Variants in LYZL2 observed in about 807,000 individuals in gnomAD.
LYZL2 encodes lysozyme-like protein 2.
A neutral mutation model predicts 17.1 loss-of-function variants in LYZL2; 13 were observed. That is an observed-to-expected ratio of 0.76 (90% CI 0.49 to 1.21). The LOEUF (loss-of-function observed/expected upper bound fraction) is 1.21. LYZL2 is among the 50% of genes most tolerant of loss of function. LYZL2 has a pLI of 0.00. For synonymous variants in LYZL2, 63 were observed against 74.4 expected (o/e 0.85, Z 0.79); for missense variants, 166 against 189.2 (o/e 0.88, Z 0.72).
At chr10:30,615,889 A>AG in intron 3 of LYZL2, among the ~76,000 whole-genome samples, 1 of 151,774 alleles carries the variant, frequency 6.6e-6, no homozygotes, top group Non-Finnish European at 1.5e-5. Context: ...CTGGTTTAGA[A>AG]AAAAAAAGAT....
chr10:30,613,940 G>C (rs1218951792), intron 3 of LYZL2, among the ~76,000 whole-genome samples: 14 of 152,096 alleles, frequency 9.2e-5, no homozygotes, highest in Non-Finnish European at 7.4e-5. Flanking sequence ...GAACTCCTGG[G>C]CTCAAGCAAT....
At chr10:30,619,712 G>T (rs1838590432) in intron 3 of LYZL2, among the ~76,000 whole-genome samples, 1 of 151,796 alleles carries the variant, frequency 6.6e-6, no homozygotes, top group South Asian at 2.1e-4. Flanking sequence ...AGCATTAGGA[G>T]ATATACCTAA....
At chr10:30,615,928 A>T (rs1838521970) in intron 3 of LYZL2, among the ~76,000 whole-genome samples, 1 of 152,224 alleles carries the variant, frequency 6.6e-6, no homozygotes. Context: ...ATTTTAAGAA[A>T]GATTGGCTCT....
At chr10:30,626,419 A>G (rs1468706659) in intron 2 of LYZL2, among the ~76,000 whole-genome samples, 156 bp from the exon 3 acceptor site, 2 of 152,152 alleles carry the variant, frequency 1.3e-5, no homozygotes, top group Non-Finnish European at 2.9e-5. Context: ...GGGGCACACG[A>G]GGGGCACATC....
intron 1 of LYZL2, 93 bp downstream of exon 1, chr10:30,629,500 A>G: frequency 7.9e-7 from 1 of 1,268,408 alleles, no homozygotes; most frequent in Non-Finnish European, 1.1e-6. Context: ...CGTAGCAATG[A>G]TAACCCCAAG....
At chr10:30,629,219 C>A (rs982900034) in intron 1 of LYZL2, among the ~76,000 whole-genome samples, 12 of 152,208 alleles carry the variant, frequency 7.9e-5, no homozygotes, top group African/African-American at 1.9e-4. Flanking sequence ...AAAGGTAGAC[C>A]TCTGTCACTA....
At chr10:30,626,724 A>G in intron 2 of LYZL2, 53 bp downstream of exon 2, 1 of 1,608,764 alleles carries the variant, frequency 6.2e-7, no homozygotes, top group Non-Finnish European at 8.5e-7. Flanking sequence ...GACCTTCAAC[A>G]TCTCAGGGGA....
intron 3 of LYZL2, among the ~76,000 whole-genome samples, chr10:30,613,728 C>T (rs1463137806): frequency 6.6e-6 from 1 of 151,800 alleles, no homozygotes; most frequent in Non-Finnish European, 1.5e-5. Flanking sequence ...TTTCTGTTTC[C>T]TTTTTGAGAC....
chr10:30,623,510 CCA>C (rs1838656457), intron 3 of LYZL2, among the ~76,000 whole-genome samples: 1 of 152,128 alleles, frequency 6.6e-6, no homozygotes, highest in Non-Finnish European at 1.5e-5. Flanking sequence ...TCCCCATCTC[CCA>C]CATTACTGCC....
At chr10:30,623,651 G>A (rs371415657) in intron 3 of LYZL2, among the ~76,000 whole-genome samples, 5 of 152,290 alleles carry the variant, frequency 3.3e-5, no homozygotes, top group Non-Finnish European at 5.9e-5. Flanking sequence ...CTGATGATCC[G>A]TCACTGTCTC....
downstream of LYZL2, among the ~76,000 whole-genome samples, chr10:30,607,292 A>G (rs1039480625): frequency 6.6e-6 from 1 of 151,982 alleles, no homozygotes; most frequent in African/African-American, 2.4e-5. Flanking sequence ...ACAGAGCCTA[A>G]CCAATAAGGT....
At chr10:30,621,737 C>T (rs577703733) in intron 3 of LYZL2, among the ~76,000 whole-genome samples, 22 of 152,174 alleles carry the variant, frequency 1.4e-4, no homozygotes, top group Middle Eastern at 6.8e-3. Context: ...TAAAACAAAA[C>T]AAAACAAAGT....
rs140154550 is a variant in LYZL2 at position 30,617,303 on chromosome 10, C to T, written c.299-4403G>A. ...AGACACCGCGTAAAGTTGTTTGTCC[C>T]CTCCTATGTTGTTAGAGCATTTTGT... On this transcript the variant is annotated intron_variant, in intron 3 of 4. Coordinates refer to ENST00000647634, the MANE Select transcript of LYZL2 (RefSeq NM_183058.3). Among the ~76,000 whole-genome samples, 522 of 152,246 alleles carry T rather than the reference C, an allele frequency of 3.4e-3. 3 individuals are homozygous for T. The highest frequency in any genetic ancestry group is 5.8e-3 in the Non-Finnish European group (393 of 68,022).
chr10:30,610,304 A>G (rs1433937924), downstream of LYZL2, among the ~76,000 whole-genome samples: 1 of 152,186 alleles, frequency 6.6e-6, no homozygotes, highest in Non-Finnish European at 1.5e-5. Context: ...ATTTTGTCCT[A>G]TTAGACTTTC....
chr10:30,609,095 T>C (rs404311), downstream of LYZL2, among the ~76,000 whole-genome samples: 96,527 of 152,082 alleles, frequency 0.63, 31,229 homozygotes, highest in Middle Eastern at 0.77. Context: ...TGCCTTGGCA[T>C]CCTACAGTGT....
chr10:30,627,205 A>G (rs543716366), intron 1 of LYZL2, among the ~76,000 whole-genome samples: 1 of 152,258 alleles, frequency 6.6e-6, no homozygotes, highest in Non-Finnish European at 1.5e-5. Context: ...TCCTTAATAC[A>G]CATCCAGGTG....
chr10:30,609,645 C>T (rs1588671266), downstream of LYZL2, among the ~76,000 whole-genome samples: 2 of 152,220 alleles, frequency 1.3e-5, no homozygotes, highest in Non-Finnish European at 2.9e-5. Context: ...ACCCAAGAGT[C>T]TGCTCAGTGT....
chr10:30,625,489 G>A (rs148792098), intron 3 of LYZL2, among the ~76,000 whole-genome samples: 1 of 151,936 alleles, frequency 6.6e-6, no homozygotes, highest in Non-Finnish European at 1.5e-5. Flanking sequence ...CAGCCTGGGA[G>A]AGAACCCCAT....
chr10:30,618,578 G>T (rs543427988), intron 3 of LYZL2, among the ~76,000 whole-genome samples: 1 of 152,342 alleles, frequency 6.6e-6, no homozygotes, highest in South Asian at 2.1e-4. Flanking sequence ...AATGGGGAAA[G>T]AATTCTCTAT....
Sources: gnomAD v4.1 joint callset for allele counts (sites outside exome capture counted in the v4.1 genomes callset) on GRCh38, gnomAD v4.1.1 for gene constraint, MANE v1.5 for transcripts, NCBI Gene and HGNC (gene_info 2026-07-23, HGNC 2026-07-21) for gene names.